COBL: variants seen among roughly 807,000 people sequenced by gnomAD.
COBL encodes the protein cordon-bleu WH2 repeat protein.
COBL carries 51 observed loss-of-function variants against 98.8 expected under a neutral mutation model. The ratio of observed to expected loss-of-function variants is 0.52; its 90% CI spans 0.41 to 0.65. The LOEUF is 0.65. Among genes scored for constraint, COBL ranks in the 30% least tolerant of loss-of-function variants. COBL has a pLI of 0.00. For synonymous variants in COBL, 634 were observed against 651.7 expected (o/e 0.97, Z 0.41); for missense variants, 1,617 against 1,617.5 (o/e 1.00, Z 0.01).
intron 6 of COBL, among the ~76,000 whole-genome samples, chr7:51,125,069 T>C (rs1483640935): frequency 6.6e-6 from 1 of 152,210 alleles, no homozygotes; most frequent in Non-Finnish European, 1.5e-5. Flanking sequence ...AGCCTCAGGC[T>C]CCCAAAGTGC....
chr7:51,029,486 T>A lies in COBL; in HGVS notation c.1610A>T (p.Asp537Val). Residue 537 changes from aspartate (D) to valine (V), a missense_variant, in exon 10 of 13, where the codon GAT becomes GTT. Asp to Val is a radical substitution (Grantham distance 152). This residue lies in a region of COBL where 1,304 missense variants were observed against 1,282.0 expected (regional missense o/e 1.02). Transcript: ENST00000265136. ...CCCTATGAATGTTACTGGGATTGCA[T>A]CTGTGTCGCCGTGAGGGATCATGGC... ...QDAMIPHGDTDAIPVTFIGEV... is the reference protein window; with the variant it reads ...QDAMIPHGDTVAIPVTFIGEV... 1.2e-6 allele frequency: 2 copies of A among 1,614,188 alleles called. No homozygotes were observed. The highest frequency in any genetic ancestry group is 1.7e-6 in the Non-Finnish European group (2 of 1,180,036).
chr7:51,134,545 C>T (rs919286045), intron 6 of COBL, among the ~76,000 whole-genome samples: 2 of 152,152 alleles, frequency 1.3e-5, no homozygotes, highest in African/African-American at 4.8e-5. Context: ...AATGCTGGTA[C>T]AGTTCACCAT....
intron 7 of COBL, among the ~76,000 whole-genome samples, chr7:51,061,437 T>C (rs891761134): frequency 2.6e-5 from 4 of 151,994 alleles, no homozygotes; most frequent in African/African-American, 4.8e-5. Flanking sequence ...AAGGGATGAG[T>C]GCATTTTCGG....
In COBL at chr7:51,068,624, G is replaced by C. The variant is rs148670903; in HGVS notation, c.1096+16542C>G. ...GATGCAAGGAAACTTGAGGGTGATG[G>C]ATGTTTATTACTCGATGGTGAGTGA... On this transcript the variant is annotated intron_variant, in intron 7 of 12. Coordinates refer to ENST00000265136, the MANE Select transcript of COBL (RefSeq NM_015198.5). Among the ~76,000 whole-genome samples the C allele has an allele frequency of 3.2e-3, 481 of 152,264 alleles. 3 individuals are homozygous for C. Among genetic ancestry groups the C allele is most frequent in the African/African-American group, 0.011 (461 of 41,554 alleles).
At chr7:51,209,005 G>A (rs1792118769) in intron 2 of COBL, among the ~76,000 whole-genome samples, 1 of 135,350 alleles carries the variant, frequency 7.4e-6, no homozygotes, top group Admixed American at 8.1e-5. Context: ...CTATGACCCT[G>A]CCAAATCCCC....
intron 6 of COBL, among the ~76,000 whole-genome samples, chr7:51,129,697 T>A (rs1467430748): frequency 1.3e-5 from 2 of 151,934 alleles, no homozygotes; most frequent in African/African-American, 4.8e-5. Flanking sequence ...ACTTCATGGA[T>A]GCAGTGACTG....
At chr7:51,181,565 C>G (rs971287220) in intron 5 of COBL, among the ~76,000 whole-genome samples, 10 of 152,300 alleles carry the variant, frequency 6.6e-5, no homozygotes, top group Admixed American at 5.2e-4. Context: ...CCTAAAAAAC[C>G]TTCTTGTAAC....
At chr7:51,022,763 A>G (rs1588238807) in intron 12 of COBL, 1 of 152,354 alleles carries the variant, frequency 6.6e-6, no homozygotes, top group East Asian at 1.9e-4. Flanking sequence ...CCAGTCACTG[A>G]GATGACTTTT....
chr7:51,025,228 G>C lies in COBL; in HGVS notation c.3649C>G (p.Leu1217Val). 6.3e-7 allele frequency: 1 copy of C among 1,582,092 alleles called. No homozygotes were observed. Among genetic ancestry groups the C allele is most frequent in the South Asian group, 1.1e-5 (1 of 90,102 alleles). ...CTGGAGGCCGTCCTTGGTGCAGAGA[G>C]AGCCTGGGAGGGTGGAGGGGGTGGT... The part of the protein sequence containing the change: ...PPPPPPPSQA[L>V]SAPRTASRFS... The change falls in exon 12 of 13, where the codon CTC (leucine) becomes GTC (valine). Residue 1217 changes from leucine (L) to valine (V), a missense_variant. Leu to Val is a conservative substitution (Grantham distance 32). This residue lies in a region of COBL where 1,304 missense variants were observed against 1,282.0 expected (regional missense o/e 1.02). Transcript: ENST00000265136.
chr7:51,136,243 A>G lies in COBL; in HGVS notation c.872T>C (p.Val291Ala). The G allele has an allele frequency of 6.2e-7, 1 of 1,613,526 alleles. No individual in the cohort carries two copies. Among genetic ancestry groups the G allele is most frequent in the Non-Finnish European group, 8.5e-7 (1 of 1,179,974 alleles). The stretch of plus-strand genomic sequence containing the variant: ...CTTCTTCATCTCCGACTTCACGGAC[A>G]CCCCTGAGATGCTGCCCAGCGAGAG... Reference protein sequence around the residue: ...PSLSLGSISGVSVKSEMKKRR... With the variant: ...PSLSLGSISGASVKSEMKKRR... The change falls in exon 6 of 13, where the codon GTG becomes GCG. Residue 291 changes from valine to alanine, a missense_variant. Transcript: ENST00000265136.
Position 51,028,444 on chromosome 7 carries a change from A to G in COBL, c.2652T>C (p.Asp884=). 6.2e-7 allele frequency: 1 copy of G among 1,614,272 alleles called. No homozygotes were observed. The highest frequency in any genetic ancestry group is 8.5e-7 in the Non-Finnish European group (1 of 1,180,050). ...CGGCATAACCGTGTGGCCTCACCAC[A>G]TCAGCATGGACTTTTGGGGCTCCTA... ...KRIGAPKVHA[D]VVRPHGYAEK... is the part of the protein sequence containing the mutation. Residue 884 remains aspartate (D), a synonymous_variant, in exon 10 of 13, where the codon GAT becomes GAC. Coordinates refer to ENST00000265136, the MANE Select transcript of COBL (RefSeq NM_015198.5).
intron 1 of COBL, 40 bp downstream of exon 1, chr7:51,316,553 A>C: frequency 8.3e-7 from 1 of 1,207,194 alleles, no homozygotes; most frequent in Non-Finnish European, 1.0e-6. Flanking sequence ...GAGCCCAGGG[A>C]AGCCCCCTCT....
intron 1 of COBL, 148 bp downstream of exon 1, chr7:51,316,445 C>A: frequency 1.9e-6 from 1 of 518,606 alleles, no homozygotes; most frequent in Non-Finnish European, 2.8e-6. Context: ...CACCCAACAC[C>A]AGCACCGCAC....
Position 51,109,963 on chromosome 7 carries a change from C to A in COBL, c.958-24659G>T, listed in dbSNP as rs139320149. ...GAGCAAGGGGATGGAAACTGCTTGG[C>A]CTCTTCTTTTTTCTTTAAAAAAATT... On this transcript the variant is annotated intron_variant, in intron 6 of 12. Transcript: ENST00000265136. Among the ~76,000 whole-genome samples the A allele has an allele frequency of 1.8e-4, 28 of 152,202 alleles. No homozygotes were observed. In the East Asian group the frequency reaches 5.0e-3, roughly 27 times the overall value.
chr7:51,297,391 C>CTTTTTTTT (rs71021766), intron 1 of COBL, among the ~76,000 whole-genome samples: 2 of 119,280 alleles, frequency 1.7e-5, no homozygotes, highest in African/African-American at 3.2e-5. Context: ...TTTTGAAAAT[C>CTTTTTTTT]TTTTTTTTTT....
intron 1 of COBL, among the ~76,000 whole-genome samples, chr7:51,250,403 A>G (rs1420316957): frequency 6.6e-6 from 1 of 152,260 alleles, no homozygotes; most frequent in Non-Finnish European, 1.5e-5. Context: ...TTAAAGTTTG[A>G]AAATAAAAAT....
rs757469313 is a variant in COBL at position 51,028,216 on chromosome 7, C to T, written c.2880G>A (p.Lys960=). The change falls in exon 10 of 13, where the codon AAG becomes AAA. Residue 960 remains lysine (K), a synonymous_variant. Transcript: ENST00000265136. ...PRGEVIGPHR[K]LSTQDRPAAI... is the part of the protein sequence containing the mutation. ...CAGCAGGTCTGTCCTGAGTAGACAA[C>T]TTCCTGTGTGGGCCAATGACCTCCC... 2.5e-6 allele frequency: 4 copies of T among 1,614,096 alleles called. No homozygotes were observed. The highest frequency in any genetic ancestry group is 1.3e-5 in the African/African-American group (1 of 74,954).
In COBL at chr7:51,061,946, T is replaced by TACACACACACACACACACACACACAC. The variant is rs1395412693; in HGVS notation, c.1097-18255_1097-18254insGTGTGTGTGTGTGTGTGTGTGTGTGT. 3.1e-5 allele frequency among the ~76,000 whole-genome samples: 3 copies of TACACACACACACACACACACACACAC among 96,058 alleles called. 1 individual carries two copies. Among genetic ancestry groups the TACACACACACACACACACACACACAC allele is most frequent in the African/African-American group, 1.1e-4 (3 of 28,104 alleles). 63.0% of individuals were successfully genotyped at this position (96,058 alleles called of 152,430 possible). ...TATAAAAAAAAATCTCTCCCCACCA[T>TACACACACACACACACACACACACAC]AGATACACACACACACACACACACA... is the stretch of plus-strand genomic sequence containing the variant. On this transcript the variant is annotated intron_variant, in intron 7 of 12. Coordinates refer to ENST00000265136, the MANE Select transcript of COBL (RefSeq NM_015198.5).
intron 6 of COBL, among the ~76,000 whole-genome samples, chr7:51,104,765 G>C (rs1360751335): frequency 6.6e-6 from 1 of 152,144 alleles, no homozygotes; most frequent in Non-Finnish European, 1.5e-5. Flanking sequence ...CCAGGGTCCT[G>C]AGAGAATTCA....
Sources: gnomAD v4.1 joint callset for allele counts (sites outside exome capture counted in the v4.1 genomes callset) on GRCh38, gnomAD v4.1.1 for gene constraint, gnomAD v4.1.1 regional missense constraint, MANE v1.5 for transcripts, NCBI Gene and HGNC (gene_info 2026-07-23, HGNC 2026-07-21) for gene names.